Variants in CDK11B observed in about 807,000 individuals in gnomAD.
CDK11B encodes the protein cyclin dependent kinase 11B.
Under a neutral mutation model 84.0 loss-of-function variants are expected in CDK11B, and 37 were observed. That is an observed-to-expected ratio of 0.44 (90% CI 0.34 to 0.58). The LOEUF is 0.58. CDK11B is among the 20% of genes least tolerant of loss of function. The pLI, the probability that CDK11B is intolerant of heterozygous loss-of-function variation, is 0.02. For synonymous variants in CDK11B, 269 were observed against 309.8 expected, an observed-to-expected ratio of 0.87 and a Z score of 1.38; for missense variants, 427 against 834.0, an observed-to-expected ratio of 0.51 and a Z score of 6.01.
chr1:1,636,286 A>C, intron 18 of CDK11B, 47 bp downstream of exon 18: 1 of 1,522,866 alleles, frequency 6.6e-7, no homozygotes, highest in Non-Finnish European at 8.8e-7. Context: ...CTGGGAAGTC[A>C]CCGCTATGGC....
chr1:1,652,572 A>C lies in CDK11B; in HGVS notation c.228-6T>G. 6.9e-7 allele frequency: 1 copy of C among 1,455,314 alleles called. No homozygotes were observed. The highest frequency in any genetic ancestry group is 9.0e-7 in the Non-Finnish European group (1 of 1,109,190). The allele number at this position is 1,455,314 out of a possible 1,614,324, so 90.2% of individuals were successfully genotyped here. On this transcript the variant is annotated splice_polypyrimidine_tract_variant and splice_region_variant and intron_variant, in intron 3 of 19. Coordinates refer to ENST00000341832, the MANE Select transcript of CDK11B (RefSeq NM_033486.3). ...AAGAATCATCTTCTTCTCCTCTGAA[A>C]TAAAACACAACAGCACTGCATCATG...
chr1:1,649,813 A>G (rs1641654241), intron 4 of CDK11B, among the ~76,000 whole-genome samples, 176 bp from the exon 5 acceptor site: 1 of 151,736 alleles, frequency 6.6e-6, no homozygotes, highest in African/African-American at 2.4e-5. Context: ...CGTCTCTACT[A>G]AAAATACAAA....
chr1:1,653,090 GCTCA>G (rs1642217523), intron 3 of CDK11B, among the ~76,000 whole-genome samples: 1 of 152,002 alleles, frequency 6.6e-6, no homozygotes, highest in Non-Finnish European at 1.5e-5. Flanking sequence ...TACGATCTCG[GCTCA>G]TTGCAACCTC....
At chr1:1,655,579 T>A (rs1642637618) in intron 2 of CDK11B, 95 bp from the exon 3 acceptor site, 3 of 1,442,598 alleles carry the variant, frequency 2.1e-6, no homozygotes, top group Non-Finnish European at 2.8e-6. Context: ...CTGGGCAACA[T>A]CCCAAAACAA....
chr1:1,651,759 C>G (rs1642042423), intron 4 of CDK11B, among the ~76,000 whole-genome samples: 1 of 147,296 alleles, frequency 6.8e-6, no homozygotes, highest in East Asian at 2.1e-4. Flanking sequence ...CTCTATAGCC[C>G]TTCTGAATGG....
intron 6 of CDK11B, among the ~76,000 whole-genome samples, chr1:1,643,636 T>C (rs1380766951): frequency 6.9e-6 from 1 of 144,998 alleles, no homozygotes; most frequent in African/African-American, 2.8e-5. Flanking sequence ...GACGGAAATA[T>C]CAACAGAGAC....
chr1:1,650,148 T>A (rs1212878914), intron 4 of CDK11B, among the ~76,000 whole-genome samples: 2 of 148,192 alleles, frequency 1.3e-5, no homozygotes, highest in Non-Finnish European at 3.0e-5. Context: ...CGGGCACCTG[T>A]AGTCCCAGCT....
intron 3 of CDK11B, among the ~76,000 whole-genome samples, chr1:1,654,652 C>CT (rs949028740): frequency 1.5e-5 from 2 of 129,252 alleles, no homozygotes; most frequent in South Asian, 2.3e-4. Context: ...TGTGCAAAAT[C>CT]TTTTTTTTCC....
At chr1:1,652,385 C>T in intron 4 of CDK11B, 54 bp downstream of exon 4, 1 of 1,415,146 alleles carries the variant, frequency 7.1e-7, no homozygotes, top group South Asian at 1.6e-5. Flanking sequence ...AGAGTAGGAA[C>T]AGGAAAGAAA....
At chr1:1,657,117 C>T (rs1234148472) in intron 2 of CDK11B, 5 of 1,115,454 alleles carry the variant, frequency 4.5e-6, no homozygotes, top group African/African-American at 1.7e-5. Context: ...TCCAGTTTTG[C>T]TAATGACTTA....
intron 3 of CDK11B, among the ~76,000 whole-genome samples, chr1:1,653,134 C>T (rs1642224743): frequency 6.6e-6 from 1 of 152,210 alleles, no homozygotes; most frequent in South Asian, 2.1e-4. Context: ...AAGCAATTCT[C>T]CTGCCTCTGC....
In CDK11B at chr1:1,636,103, C is replaced by T. The variant is rs1370933393; in HGVS notation, c.2090G>A (p.Arg697Lys). 9.5e-6 allele frequency: 5 copies of T among 523,788 alleles called. No homozygotes were observed. Among genetic ancestry groups the T allele is most frequent in the African/African-American group, 2.6e-5 (1 of 38,528 alleles). The allele number at this position is 523,788 out of a possible 1,614,324, so 32.4% of individuals were successfully genotyped here. The stretch of plus-strand genomic sequence containing the variant: ...GAGGCCGTCCTCAGCGCTGATCCTC[C>T]TCCCGGGGAAGTAGGTCAGGAACCT... ...MNKFLTYFPG[R>K]RISAEDGLKH... Residue 697 changes from arginine (R) to lysine (K), a missense_variant, in exon 19 of 20, where the codon AGG becomes AAG. This residue lies in a region of CDK11B where 170 missense variants were observed against 196.0 expected (regional missense o/e 0.87). Transcript: ENST00000341832.
intron 4 of CDK11B, among the ~76,000 whole-genome samples, chr1:1,650,866 GAAGA>G (rs1170918687): frequency 6.6e-6 from 1 of 151,826 alleles, no homozygotes; most frequent in Non-Finnish European, 1.5e-5. Flanking sequence ...GTCTAATTAT[GAAGA>G]AAGAAGAAAA....
rs1203299811 is a variant in CDK11B at position 1,636,926 on chromosome 1, G to A, written c.1771C>T (p.Arg591Cys). 6 of 1,606,066 alleles carry A rather than the reference G, an allele frequency of 3.7e-6. No individual in the cohort carries two copies. The highest frequency in any genetic ancestry group is 1.7e-5 in the Admixed American group (1 of 59,756). ...YTPVVVTLWY[R>C]APELLLGAKE... ...GCACCAAGCAGCAGCTCTGGGGCGC[G>A]GTACCACAGGGTCACCACGACCGGG... Residue 591 changes from arginine to cysteine, a missense_variant, in exon 16 of 20, where the codon CGC becomes TGC. Physicochemically the swap from Arg to Cys is radical, Grantham distance 180. Coordinates refer to ENST00000341832, the MANE Select transcript of CDK11B (RefSeq NM_033486.3).
At chr1:1,648,548 G>A (rs1468117778) in intron 5 of CDK11B, among the ~76,000 whole-genome samples, 31 of 149,570 alleles carry the variant, frequency 2.1e-4, no homozygotes, top group Admixed American at 2.0e-3. Flanking sequence ...CTCTCTTCCT[G>A]GAGCAGCTTG....
chr1:1,657,918 A>G (rs1429146112), intron 1 of CDK11B, among the ~76,000 whole-genome samples: 1 of 144,148 alleles, frequency 6.9e-6, no homozygotes, highest in African/African-American at 2.7e-5. Context: ...AAAAAAAAAA[A>G]AAAAAAAAGT....
At chr1:1,647,295 T>C (rs1641288671) in intron 5 of CDK11B, among the ~76,000 whole-genome samples, 2 of 152,296 alleles carry the variant, frequency 1.3e-5, no homozygotes, top group South Asian at 2.1e-4. Flanking sequence ...CACACTGTCA[T>C]ACTTCTTTGT....
chr1:1,653,091 C>T (rs1642217110), intron 3 of CDK11B, among the ~76,000 whole-genome samples: 1 of 152,118 alleles, frequency 6.6e-6, no homozygotes, highest in Admixed American at 6.6e-5. Flanking sequence ...ACGATCTCGG[C>T]TCATTGCAAC....
Position 1,657,374 on chromosome 1 carries a change from C to T in CDK11B, c.111+1G>A. 4 of 1,612,774 alleles carry T rather than the reference C, an allele frequency of 2.5e-6. No individual in the cohort carries two copies. Among genetic ancestry groups the T allele is most frequent in the Non-Finnish European group, 3.4e-6 (4 of 1,179,384 alleles). Reference sequence around the variant, plus strand: ...CCACTTACTTAAAAAATATGGCTTACATTTTTTAAGCGTTTTATCTCTGCT... The same window carrying T: ...CCACTTACTTAAAAAATATGGCTTATATTTTTTAAGCGTTTTATCTCTGCT... On this transcript the variant is annotated splice_donor_variant, in intron 2 of 19. Coordinates refer to ENST00000341832, the MANE Select transcript of CDK11B (RefSeq NM_033486.3). LOFTEE classifies it high-confidence loss of function.
Sources: allele counts gnomAD v4.1 joint callset (sites outside exome capture counted in the v4.1 genomes callset), GRCh38; gene constraint gnomAD v4.1.1; regional missense constraint gnomAD v4.1.1; transcripts MANE v1.5; gene names NCBI Gene and HGNC (gene_info 2026-07-23, HGNC 2026-07-21).